CTHRC1: variants seen among roughly 807,000 people sequenced by gnomAD.
CTHRC1 encodes collagen triple helix repeat containing 1.
In CTHRC1, 21 loss-of-function variants were observed where a neutral mutation model predicts 25.9. The observed-to-expected ratio is 0.81, with a 90% CI of 0.57 to 1.17. The LOEUF (loss-of-function observed/expected upper bound fraction) is 1.17, where lower values mean the gene tolerates loss of function less well. Ranked by LOEUF, CTHRC1 falls within the 50% of genes most tolerant of loss-of-function variation. The pLI, the probability that CTHRC1 is intolerant of heterozygous loss-of-function variation, is 0.00. For synonymous variants in CTHRC1, 109 were observed against 113.1 expected, an observed-to-expected ratio of 0.96 and a Z score of 0.23; for missense variants, 281 against 304.3, an observed-to-expected ratio of 0.92 and a Z score of 0.57.
rs1189612727 is a variant in CTHRC1 at position 103,371,689 on chromosome 8, G to T, written c.33G>T (p.Gln11His). ...CCCAGGGCCCCGCCGCCTCCCCGCA[G>T]CGGCTCCGCGGCCTCCTGCTGCTCC... MRPQGPAASP[Q>H]RLRGLLLLLL... The change falls in exon 1 of 4, where the codon CAG becomes CAT. Residue 11 changes from glutamine (Q) to histidine (H), a missense_variant. Physicochemically the swap from Gln to His is conservative, Grantham distance 24. Transcript: ENST00000330295. 2 of 1,533,350 alleles carry T rather than the reference G, an allele frequency of 1.3e-6. No individual in the cohort carries two copies. The highest frequency in any genetic ancestry group is 8.8e-7 in the Non-Finnish European group (1 of 1,141,018). The allele number at this position is 1,533,350 out of a possible 1,614,324, so 95.0% of individuals were successfully genotyped here.
intron 3 of CTHRC1, among the ~76,000 whole-genome samples, chr8:103,379,475 T>TAA (rs36063729): frequency 6.3e-5 from 9 of 142,370 alleles, no homozygotes; most frequent in Non-Finnish European, 9.3e-5. Context: ...ATAGAAGAGT[T>TAA]AAAAAAAAAA....
rs764245969 is a variant in CTHRC1 at position 103,371,700 on chromosome 8, G to A, written c.44G>A (p.Gly15Asp). The A allele has an allele frequency of 2.0e-6, 3 of 1,533,790 alleles. No individual in the cohort carries two copies. In the South Asian group the frequency reaches 3.6e-5, roughly 19 times the overall value. ...GPAASPQRLRGLLLLLLLQLP... is the reference protein window; with the variant it reads ...GPAASPQRLRDLLLLLLLQLP... ...GCCGCCTCCCCGCAGCGGCTCCGCG[G>A]CCTCCTGCTGCTCCTGCTGCTGCAG... is the stretch of plus-strand genomic sequence containing the variant. Residue 15 changes from glycine to aspartate, a missense_variant, in exon 1 of 4, where the codon GGC becomes GAC. Transcript: ENST00000330295.
intron 3 of CTHRC1, among the ~76,000 whole-genome samples, chr8:103,378,875 C>T (rs1414318143): frequency 6.6e-6 from 1 of 152,048 alleles, no homozygotes; most frequent in African/African-American, 2.4e-5. Flanking sequence ...AAAAATTAGT[C>T]CCAACTACTA....
intron 2 of CTHRC1, 93 bp downstream of exon 2, chr8:103,376,052 A>C (rs1210174914): frequency 1.0e-6 from 1 of 971,076 alleles, no homozygotes; most frequent in Non-Finnish European, 1.6e-6. Context: ...TTTTTTAACT[A>C]AAAGACTTAA....
At chr8:103,377,934 A>C in intron 2 of CTHRC1, 93 bp from the exon 3 acceptor site, 2 of 1,083,286 alleles carry the variant, frequency 1.8e-6, no homozygotes, top group South Asian at 2.6e-5. Context: ...ATTTTGGGGA[A>C]AAGGATAGTT....
rs1815698715 is a variant in CTHRC1 at position 103,371,645 on chromosome 8, C to T, written c.-12C>T. ...CCGCCTCCAGCTCCGCGCTGCCCGG[C>T]AGCCGGGAGCCATGCGACCCCAGGG... On this transcript the variant is annotated 5_prime_UTR_variant, in exon 1 of 4. Transcript: ENST00000330295. 2 of 1,530,606 alleles carry T rather than the reference C, an allele frequency of 1.3e-6. No homozygotes were observed. 94.8% of individuals were successfully genotyped at this position (1,530,606 alleles called of 1,614,324 possible).
At chr8:103,373,889 A>C (rs1002607940) in intron 1 of CTHRC1, among the ~76,000 whole-genome samples, 2 of 151,974 alleles carry the variant, frequency 1.3e-5, no homozygotes, top group Non-Finnish European at 2.9e-5. Flanking sequence ...TATCAGAAGC[A>C]GTCTTATTCC....
chr8:103,374,442 T>A (rs914442508), intron 1 of CTHRC1, among the ~76,000 whole-genome samples: 8 of 152,146 alleles, frequency 5.3e-5, no homozygotes, highest in African/African-American at 1.9e-4. Flanking sequence ...TGCATTGGGT[T>A]TTGGAGTGTC....
Position 103,375,742 on chromosome 8 carries a change from ATGG to A in CTHRC1, c.156_158del (p.Asn52_Gly53delinsLys). The A allele has an allele frequency of 4.3e-6, 7 of 1,613,568 alleles. No individual in the cohort carries two copies. Among genetic ancestry groups the A allele is most frequent in the Non-Finnish European group, 5.9e-6 (7 of 1,179,512 alleles). ...GCCTTTTCTTTCTCATTATAGTATA[ATGG>A]AATGTGCTTACAAGGGCCAGCAGGA... On this transcript the variant is annotated inframe_deletion, in exon 2 of 4. Coordinates refer to ENST00000330295, the MANE Select transcript of CTHRC1 (RefSeq NM_138455.4).
intron 1 of CTHRC1, among the ~76,000 whole-genome samples, chr8:103,375,184 C>G (rs1369952300): frequency 6.6e-6 from 1 of 151,972 alleles, no homozygotes; most frequent in Non-Finnish European, 1.5e-5. Context: ...ATTGCCAGTA[C>G]AAGATAATTA....
Position 103,375,956 on chromosome 8 carries a change from T to A in CTHRC1, c.369T>A (p.Ile123=), listed in dbSNP as rs779752692. 4 of 1,610,438 alleles carry A rather than the reference T, an allele frequency of 2.5e-6. No individual in the cohort carries two copies. The African/African-American group carries it at 5.3e-5, about 22-fold the overall frequency. ...SLNYGIDLGK[I]AECTFTKMRS... ...ATTATGGCATAGATCTTGGGAAAAT[T>A]GCGGTAAGTTTGAATTATTTTAAAA... is the stretch of plus-strand genomic sequence containing the variant. Residue 123 remains isoleucine, a synonymous_variant, in exon 2 of 4, where the codon ATT becomes ATA. Transcript: ENST00000330295.
chr8:103,377,370 A>G (rs1301907304), intron 2 of CTHRC1: 1 of 154,822 alleles, frequency 6.5e-6, no homozygotes, highest in African/African-American at 2.4e-5. Context: ...CATTTAGCAC[A>G]TAGTTGGGGC....
intron 3 of CTHRC1, among the ~76,000 whole-genome samples, chr8:103,381,850 T>G (rs1337106204): frequency 6.6e-6 from 1 of 151,954 alleles, no homozygotes; most frequent in Non-Finnish European, 1.5e-5. Flanking sequence ...TACAAAAAAT[T>G]AGCCAGGCGT....
intron 1 of CTHRC1, chr8:103,372,583 A>G: frequency 6.3e-7 from 1 of 1,598,374 alleles, no homozygotes; most frequent in South Asian, 1.1e-5. Flanking sequence ...ATCACAGTCA[A>G]GCTACGGGAG....
intron 1 of CTHRC1, among the ~76,000 whole-genome samples, chr8:103,374,310 G>T (rs1007175314): frequency 1.1e-4 from 16 of 152,178 alleles, no homozygotes; most frequent in Non-Finnish European, 2.2e-4. Flanking sequence ...GATAAGCTTT[G>T]AAGTTACTTT....
At chr8:103,377,957 C>G (rs1815835212) in intron 2 of CTHRC1, 70 bp from the exon 3 acceptor site, 1 of 1,273,034 alleles carries the variant, frequency 7.9e-7, no homozygotes, top group Admixed American at 1.7e-5. Context: ...GTAAAATTCA[C>G]CAGTCTCAAA....
At position 103,371,810 on chromosome 8, in the gene CTHRC1, A is replaced by T. The variant is rs1302350791; in HGVS notation, c.150+4A>T. 2 of 1,501,148 alleles carry T rather than the reference A, an allele frequency of 1.3e-6. No homozygotes were observed. Among genetic ancestry groups the T allele is most frequent in the African/African-American group, 2.9e-5 (2 of 69,210 alleles). The allele number at this position is 1,501,148 out of a possible 1,614,324, so 93.0% of individuals were successfully genotyped here. On this transcript the variant is annotated splice_donor_region_variant and intron_variant, in intron 1 of 3. Coordinates refer to ENST00000330295, the MANE Select transcript of CTHRC1 (RefSeq NM_138455.4). ...GCAGAGGGAGGTGGTGGACCTGGTG[A>T]GTCCGAGGGAGCCGAGCCGGGACCG...
intron 3 of CTHRC1, among the ~76,000 whole-genome samples, chr8:103,381,421 A>G (rs1815908060): frequency 6.6e-6 from 1 of 151,900 alleles, no homozygotes; most frequent in Admixed American, 6.6e-5. Flanking sequence ...ACATACATCA[A>G]AGGTACCATG....
In CTHRC1 at chr8:103,378,049, G is replaced by A. The variant is rs963678117; in HGVS notation, c.395G>A (p.Arg132His). The A allele has an allele frequency of 2.9e-5, 47 of 1,613,682 alleles. No homozygotes were observed. Among genetic ancestry groups the A allele is most frequent in the Non-Finnish European group, 3.6e-5 (42 of 1,179,704 alleles). ...CAGGAGTGTACATTTACAAAGATGCGTTCAAATAGTGCTCTAAGAGTTTTG... is the reference window on the plus strand; with the variant it reads ...CAGGAGTGTACATTTACAAAGATGCATTCAAATAGTGCTCTAAGAGTTTTG... ...KIAECTFTKM[R>H]SNSALRVLFS... The change falls in exon 3 of 4, where the codon CGT becomes CAT. Residue 132 changes from arginine to histidine, a missense_variant. Transcript: ENST00000330295.
Sources: allele counts gnomAD v4.1 joint callset (sites outside exome capture counted in the v4.1 genomes callset), GRCh38; gene constraint gnomAD v4.1.1; transcripts MANE v1.5; gene names NCBI Gene and HGNC (gene_info 2026-07-23, HGNC 2026-07-21).